The following CTNNA2 variants were observed in gnomAD, a reference collection of about 807,000 sequenced individuals.
CTNNA2 encodes the protein catenin alpha-2.
In CTNNA2, 42 loss-of-function variants were observed where a neutral mutation model predicts 101.0. That is an observed-to-expected ratio of 0.42 (90% CI 0.32 to 0.54). CTNNA2 has a LOEUF of 0.54. Among genes scored for constraint, CTNNA2 ranks in the 20% least tolerant of loss-of-function variants. The probability of loss-of-function intolerance (pLI) is 0.14; values close to 1 mark genes in which losing one functional copy is unlikely to be tolerated. For missense variants in CTNNA2, 871 were observed against 1,223.1 expected, an observed-to-expected ratio of 0.71 and a Z score of 4.29; for synonymous variants, 450 against 456.4, an observed-to-expected ratio of 0.99 and a Z score of 0.18.
At chr2:79,558,229 C>G (rs1000810390) in intron 1 of CTNNA2, among the ~76,000 whole-genome samples, 8 of 151,842 alleles carry the variant, frequency 5.3e-5, no homozygotes, top group Non-Finnish European at 8.8e-5. Flanking sequence ...AACATGATAT[C>G]TTTTTACAGA....
intron 3 of CTNNA2, among the ~76,000 whole-genome samples, chr2:79,340,582 C>G (rs1266511285): frequency 6.6e-6 from 1 of 151,950 alleles, no homozygotes. Context: ...GCCTGTAATC[C>G]CAGCACTTTG....
At chr2:80,013,862 G>T (rs952801567) in intron 7 of CTNNA2, among the ~76,000 whole-genome samples, 2 of 152,158 alleles carry the variant, frequency 1.3e-5, no homozygotes, top group African/African-American at 4.8e-5. Context: ...AATTCTCTCT[G>T]CTGGCTCCTC....
Position 80,589,351 on chromosome 2 carries a change from G to A in CTNNA2, c.2055G>A (p.Glu685=), listed in dbSNP as rs1184242675. 1.2e-6 allele frequency: 2 copies of A among 1,614,008 alleles called. No individual in the cohort carries two copies. Among genetic ancestry groups the A allele is most frequent in the Non-Finnish European group, 1.7e-6 (2 of 1,179,996 alleles). Residue 685 remains glutamate (E), a synonymous_variant, in exon 15 of 19, where the codon GAG becomes GAA. Transcript: ENST00000402739. ...AGGAGGAGAAGGCAAAAATAGCTGA[G>A]CAGGTGGAGATATTCCATCAAGAGA... The part of the protein sequence containing the change: ...LPQEEKAKIA[E]QVEIFHQEKS...
chr2:79,293,867 A>C (rs1296671506), intron 2 of CTNNA2, among the ~76,000 whole-genome samples: 1 of 152,172 alleles, frequency 6.6e-6, no homozygotes, highest in Non-Finnish European at 1.5e-5. Flanking sequence ...AATCTTTATT[A>C]GCAATGTGAC....
intron 9 of CTNNA2, among the ~76,000 whole-genome samples, chr2:80,453,151 G>A (rs991395987): frequency 1.3e-5 from 2 of 152,092 alleles, no homozygotes; most frequent in Admixed American, 6.6e-5. Context: ...GGAGCATCAC[G>A]TGGATTTCCA....
chr2:79,909,509 C>A, intron 6 of CTNNA2, 85 bp from the exon 7 acceptor site: 1 of 1,134,686 alleles, frequency 8.8e-7, no homozygotes, highest in Admixed American at 2.4e-5. Flanking sequence ...GTTCTTGCCT[C>A]AGATATTTCT....
chr2:79,982,276 T>TATAA (rs1226955474), intron 7 of CTNNA2, among the ~76,000 whole-genome samples: 2,420 of 136,048 alleles, frequency 0.018, 143 homozygotes, highest in African/African-American at 0.063. Flanking sequence ...AACATATATA[T>TATAA]AATATATATA....
chr2:80,240,219 T>A (rs1670813471), intron 7 of CTNNA2, among the ~76,000 whole-genome samples: 3 of 152,300 alleles, frequency 2.0e-5, no homozygotes, highest in South Asian at 4.1e-4. Context: ...CCCTGTCCAA[T>A]CTAAGTGGTG....
intron 7 of CTNNA2, among the ~76,000 whole-genome samples, chr2:80,378,508 T>A (rs1676199700): frequency 6.6e-6 from 1 of 151,814 alleles, no homozygotes; most frequent in African/African-American, 2.4e-5. Flanking sequence ...CAAGGCATGA[T>A]CACAACATTT....
At chr2:79,982,573 G>A (rs1372193092) in intron 7 of CTNNA2, among the ~76,000 whole-genome samples, 1 of 112,144 alleles carries the variant, frequency 8.9e-6, no homozygotes, top group African/African-American at 3.9e-5. Context: ...CTTCATGGTA[G>A]GTTTCTGATG....
intron 9 of CTNNA2, among the ~76,000 whole-genome samples, chr2:80,457,730 T>G (rs1221755794): frequency 1.3e-5 from 2 of 152,202 alleles, no homozygotes; most frequent in East Asian, 3.8e-4. Context: ...CTCTTGAGAA[T>G]GAACCTTCAT....
chr2:80,163,039 G>C, intron 7 of CTNNA2: 1 of 1,564,922 alleles, frequency 6.4e-7, no homozygotes, highest in Non-Finnish European at 8.8e-7. Context: ...ATTCCATTAA[G>C]TAGATTCATT....
intron 7 of CTNNA2, among the ~76,000 whole-genome samples, chr2:80,100,092 G>A (rs765217449): frequency 1.7e-4 from 26 of 150,538 alleles, no homozygotes; most frequent in Non-Finnish European, 3.6e-4. Flanking sequence ...CCTATGCCCA[G>A]CTACATTTTT....
At chr2:79,941,889 G>C (rs977732458) in intron 7 of CTNNA2, among the ~76,000 whole-genome samples, 2 of 152,146 alleles carry the variant, frequency 1.3e-5, no homozygotes, top group African/African-American at 2.4e-5. Flanking sequence ...AAAATGCTGG[G>C]ATTACAGGTG....
At chr2:80,079,584 C>T (rs113125017) in intron 7 of CTNNA2, among the ~76,000 whole-genome samples, 2,332 of 152,136 alleles carry the variant, frequency 0.015, 63 homozygotes, top group African/African-American at 0.053. Context: ...GAGGCTGAGG[C>T]GGGCAGATCA....
chr2:80,335,355 G>C (rs1671680723), intron 7 of CTNNA2, among the ~76,000 whole-genome samples: 1 of 152,154 alleles, frequency 6.6e-6, no homozygotes, highest in Non-Finnish European at 1.5e-5. Context: ...ACTGGGGATG[G>C]AGAATATAGT....
chr2:79,745,303 C>G (rs576072574), intron 3 of CTNNA2, among the ~76,000 whole-genome samples: 1 of 151,848 alleles, frequency 6.6e-6, no homozygotes, highest in African/African-American at 2.4e-5. Flanking sequence ...TGGCAGCGTG[C>G]GCCTGTAGTC....
chr2:79,395,733 G>A (rs1016222125), intron 4 of CTNNA2, among the ~76,000 whole-genome samples: 1 of 152,148 alleles, frequency 6.6e-6, no homozygotes, highest in African/African-American at 2.4e-5. Flanking sequence ...ATTCCTATCT[G>A]AGGACTTAGA....
chr2:80,026,006 A>G lies in CTNNA2; in HGVS notation c.1056+116209A>G, dbSNP rs370863204. 5.3e-5 allele frequency among the ~76,000 whole-genome samples: 8 copies of G among 152,322 alleles called. No homozygotes were observed. The South Asian group carries it at 1.7e-3, about 32-fold the overall frequency. On this transcript the variant is annotated intron_variant, in intron 7 of 18. Coordinates refer to ENST00000402739, the MANE Select transcript of CTNNA2 (RefSeq NM_001282597.3). ...CAGTGTGTTATGTGATAAGTATTACATAACAGGGATGTGTGTCACAGCGGG... is the reference window on the plus strand; with the variant it reads ...CAGTGTGTTATGTGATAAGTATTACGTAACAGGGATGTGTGTCACAGCGGG...
Sources: allele counts gnomAD v4.1 joint callset (sites outside exome capture counted in the v4.1 genomes callset), GRCh38; gene constraint gnomAD v4.1.1; transcripts MANE v1.5; gene names NCBI Gene and HGNC (gene_info 2026-07-23, HGNC 2026-07-21).